Variants in SNX9 observed in about 807,000 individuals in gnomAD.
SNX9 encodes the protein sorting nexin-9.
In SNX9, 44 loss-of-function variants were observed where a neutral mutation model predicts 89.4. The observed-to-expected ratio is 0.49, with a 90% confidence interval of 0.39 to 0.63. SNX9 has a LOEUF of 0.63. Among genes scored for constraint, SNX9 ranks in the 30% least tolerant of loss-of-function variants. The probability of loss-of-function intolerance (pLI) is 0.00; values close to 1 mark genes in which losing one functional copy is unlikely to be tolerated. For synonymous variants in SNX9, 236 were observed against 247.8 expected, an observed-to-expected ratio of 0.95 and a Z score of 0.45; for missense variants, 578 against 736.1, an observed-to-expected ratio of 0.79 and a Z score of 2.49.
rs1173456125 is a variant in SNX9, at chr6:157,826,918, TATATTATAGTTTATATAATATATAAA to T, written c.12+3477_12+3502del. Among the ~76,000 whole-genome samples the T allele has an allele frequency of 1.3e-4, 13 of 97,984 alleles. 3 individuals are homozygous for T. The highest frequency in any genetic ancestry group is 2.5e-4 in the East Asian group (1 of 4,072). 64.3% of individuals were successfully genotyped at this position (97,984 alleles called of 152,430 possible). A position where few individuals can be genotyped will look rare whatever the true frequency, so the allele number is the denominator to read the frequency against. On this transcript the variant is annotated intron_variant, in intron 1 of 17. Coordinates refer to ENST00000392185, the MANE Select transcript of SNX9 (RefSeq NM_016224.5). ...ATTATAGTTTATATAATATATAAAA[TATATTATAGTTTATATAATATATAAA>T]ATATATTATAGTTTATATAATATAT...
Position 157,874,536 on chromosome 6 carries a change from G to T in SNX9, c.175-515G>T, listed in dbSNP as rs151095446. On this transcript the variant is annotated intron_variant, in intron 3 of 17. Coordinates refer to ENST00000392185, the MANE Select transcript of SNX9 (RefSeq NM_016224.5). Reference sequence around the variant, plus strand: ...AATAGATCCTGCAGGCAGAAAATCAGTAAGGACGTGGTTGAACTCAGCACC... The same window carrying T: ...AATAGATCCTGCAGGCAGAAAATCATTAAGGACGTGGTTGAACTCAGCACC... Among the ~76,000 whole-genome samples, 108 of 152,328 alleles carry T rather than the reference G, an allele frequency of 7.1e-4. 1 individual carries two copies. In the East Asian group the frequency reaches 0.019, roughly 27 times the overall value.
chr6:157,854,742 C>T (rs1781976088), intron 1 of SNX9, among the ~76,000 whole-genome samples: 1 of 151,926 alleles, frequency 6.6e-6, no homozygotes, highest in African/African-American at 2.4e-5. Flanking sequence ...TATGGTTTAC[C>T]CCCTTTTATG....
intron 1 of SNX9, among the ~76,000 whole-genome samples, chr6:157,859,368 T>C (rs1782073713): frequency 6.6e-6 from 1 of 152,242 alleles, no homozygotes. Flanking sequence ...CCCTGTTCCA[T>C]AAGTTACCTT....
At chr6:157,933,812 T>C (rs1300320471) in intron 13 of SNX9, among the ~76,000 whole-genome samples, 1 of 152,262 alleles carries the variant, frequency 6.6e-6, no homozygotes, top group African/African-American at 2.4e-5. Context: ...GGTTCCCCAC[T>C]GGGAGCTGCT....
At position 157,909,704 on chromosome 6, in the gene SNX9, A is replaced by G; in HGVS notation, c.745A>G (p.Thr249Ala). The G allele has an allele frequency of 2.5e-6, 4 of 1,614,190 alleles. No individual in the cohort carries two copies. The highest frequency in any genetic ancestry group is 4.5e-5 in the East Asian group (2 of 44,874). The change falls in exon 8 of 18, where the codon ACT becomes GCT. Residue 249 changes from threonine to alanine, a missense_variant. Physicochemically the swap from Thr to Ala is moderately conservative, Grantham distance 58. Transcript: ENST00000392185. ...YGPMWVYPTS[T>A]FDCVVADPRK... Reference sequence around the variant, plus strand: ...CCCAATGTGGGTTTATCCTACCTCTACTTTTGACTGTGTGGTAGCAGATCC... The same window carrying G: ...CCCAATGTGGGTTTATCCTACCTCTGCTTTTGACTGTGTGGTAGCAGATCC...
intron 3 of SNX9, 58 bp from the exon 4 acceptor site, chr6:157,874,993 A>G: frequency 6.4e-7 from 1 of 1,556,068 alleles, no homozygotes; most frequent in Non-Finnish European, 8.7e-7. Flanking sequence ...TTGCCCTCGA[A>G]GACTCCCTGA....
chr6:157,927,952 C>T (rs947821486), intron 11 of SNX9, among the ~76,000 whole-genome samples: 1 of 151,864 alleles, frequency 6.6e-6, no homozygotes, highest in Non-Finnish European at 1.5e-5. Context: ...CACACACACA[C>T]ATAACCCTTC....
At chr6:157,852,639 C>T (rs1488970217) in intron 1 of SNX9, among the ~76,000 whole-genome samples, 1 of 152,104 alleles carries the variant, frequency 6.6e-6, no homozygotes, top group Non-Finnish European at 1.5e-5. Context: ...AGGGCAGTGG[C>T]GTAATCACAG....
intron 4 of SNX9, among the ~76,000 whole-genome samples, chr6:157,891,551 A>G (rs886319197): frequency 1.3e-5 from 2 of 152,202 alleles, no homozygotes; most frequent in Admixed American, 6.5e-5. Flanking sequence ...ATTTCATACA[A>G]ATGATCAAGA....
At chr6:157,843,446 T>C (rs1308544248) in intron 1 of SNX9, among the ~76,000 whole-genome samples, 1 of 152,180 alleles carries the variant, frequency 6.6e-6, no homozygotes, top group Non-Finnish European at 1.5e-5. Context: ...AAAATGTTAT[T>C]GAGAAAATCA....
At chr6:157,867,106 G>A (rs550415987) in intron 1 of SNX9, among the ~76,000 whole-genome samples, 108 of 152,144 alleles carry the variant, frequency 7.1e-4, no homozygotes, top group African/African-American at 2.4e-3. Flanking sequence ...TGGCTACAAT[G>A]CCCAGCTAAT....
chr6:157,855,089 C>T (rs781658875), intron 1 of SNX9, among the ~76,000 whole-genome samples: 2 of 151,982 alleles, frequency 1.3e-5, no homozygotes, highest in Non-Finnish European at 2.9e-5. Flanking sequence ...ACATTGTTAC[C>T]GAGATTTCCT....
rs1476317438 is a variant in SNX9 at position 157,840,415 on chromosome 6, CTTTCTTTTCTTTCT to C, written c.12+16977_12+16990del. Reference sequence around the variant, plus strand: ...GACTTTTACAAAAAATACTTTCTTTCTTTCTTTTCTTTCTTTTCTTTCCTTTCTTTCCTTTCCTT... The same window carrying C: ...GACTTTTACAAAAAATACTTTCTTTCTTTCTTTCCTTTCTTTCCTTTCCTT... On this transcript the variant is annotated intron_variant, in intron 1 of 17. Coordinates refer to ENST00000392185, the MANE Select transcript of SNX9 (RefSeq NM_016224.5). Among the ~76,000 whole-genome samples the C allele has an allele frequency of 5.8e-4, 83 of 143,526 alleles. 1 individual carries two copies. Among genetic ancestry groups the C allele is most frequent in the Non-Finnish European group, 1.0e-3 (67 of 66,866 alleles). The allele number at this position is 143,526 out of a possible 152,430, so 94.2% of individuals were successfully genotyped here. A position where few individuals can be genotyped will look rare whatever the true frequency, so the allele number is the denominator to read the frequency against.
At chr6:157,917,192 G>A (rs1173233832) in intron 9 of SNX9, among the ~76,000 whole-genome samples, 1 of 151,806 alleles carries the variant, frequency 6.6e-6, no homozygotes, top group African/African-American at 2.4e-5. Flanking sequence ...GTATTTCTTT[G>A]TACCTTTAAA....
intron 1 of SNX9, among the ~76,000 whole-genome samples, chr6:157,835,003 T>C (rs975763251): frequency 6.6e-6 from 1 of 152,130 alleles, no homozygotes; most frequent in African/African-American, 2.4e-5. Context: ...CCAAAAAGTA[T>C]AGACATTTTA....
chr6:157,926,193 AT>A (rs765359168), intron 10 of SNX9, among the ~76,000 whole-genome samples: 1 of 152,166 alleles, frequency 6.6e-6, no homozygotes, highest in African/African-American at 2.4e-5. Flanking sequence ...TAAGAGAGAG[AT>A]TACCGGTTAC....
intron 4 of SNX9, among the ~76,000 whole-genome samples, chr6:157,889,517 A>G (rs1380245324): frequency 2.6e-5 from 4 of 152,156 alleles, no homozygotes; most frequent in South Asian, 4.2e-4. Context: ...TTAGGTTTTG[A>G]AAAAAGTCAA....
In SNX9 at chr6:157,932,276, C is replaced by T. The variant is rs753439708; in HGVS notation, c.1366+4C>T. ...TTCAGTTCCAGTGGCTATCAAGGTG[C>T]GTCTTTCTTCATTCATCCAGTGGGC... On this transcript the variant is annotated splice_donor_region_variant and intron_variant, in intron 13 of 17. Coordinates refer to ENST00000392185, the MANE Select transcript of SNX9 (RefSeq NM_016224.5). 1.1e-5 allele frequency: 17 copies of T among 1,613,618 alleles called. No individual in the cohort carries two copies. Among genetic ancestry groups the T allele is most frequent in the African/African-American group, 8.0e-5 (6 of 74,882 alleles).
chr6:157,911,446 G>A (rs922046150), intron 9 of SNX9, among the ~76,000 whole-genome samples: 5 of 152,204 alleles, frequency 3.3e-5, no homozygotes, highest in African/African-American at 9.6e-5. Context: ...GAGGGCCTGC[G>A]ACCCTTCACA....
Sources: allele counts gnomAD v4.1 joint callset (sites outside exome capture counted in the v4.1 genomes callset), GRCh38; gene constraint gnomAD v4.1.1; transcripts MANE v1.5; gene names NCBI Gene and HGNC (gene_info 2026-07-23, HGNC 2026-07-21).